Variants in DCAF12 observed in about 807,000 individuals in gnomAD.
DCAF12 encodes DDB1 and CUL4 associated factor 12.
DCAF12 carries 28 observed loss-of-function variants against 52.8 expected under a neutral mutation model. The ratio of observed to expected loss-of-function variants is 0.53; its 90% CI spans 0.39 to 0.73. The LOEUF is 0.73. DCAF12 is among the 30% of genes least tolerant of loss of function. The pLI, the probability that DCAF12 is intolerant of heterozygous loss-of-function variation, is 0.00. For synonymous variants in DCAF12, 196 were observed against 215.5 expected, an observed-to-expected ratio of 0.91 and a Z score of 0.79; for missense variants, 425 against 552.2, an observed-to-expected ratio of 0.77 and a Z score of 2.31.
At chr9:34,120,541 C>T (rs762583566) in intron 2 of DCAF12, among the ~76,000 whole-genome samples, 5 of 151,112 alleles carry the variant, frequency 3.3e-5, no homozygotes, top group Non-Finnish European at 7.4e-5. Context: ...CATGGTAGCA[C>T]GCGCCTGTAG....
Position 34,096,709 on chromosome 9 carries a change from A to G in DCAF12, c.861+7T>C. The G allele has an allele frequency of 6.2e-7, 1 of 1,613,338 alleles. No individual in the cohort carries two copies. Among genetic ancestry groups the G allele is most frequent in the Non-Finnish European group, 8.5e-7 (1 of 1,179,464 alleles). On this transcript the variant is annotated splice_region_variant and intron_variant, in intron 6 of 8. Coordinates refer to ENST00000361264, the MANE Select transcript of DCAF12 (RefSeq NM_015397.4). ...TAGGTAAAACCACAAAATCATGTTC[A>G]TCACACCTTAGATAGTGTATTTTCA...
At position 34,088,353 on chromosome 9, in the gene DCAF12, A is replaced by C. The variant is rs762283707; in HGVS notation, c.1359T>G (p.Ser453Arg). 5.2e-6 allele frequency: 8 copies of C among 1,553,264 alleles called. No homozygotes were observed. In the South Asian group the frequency reaches 9.8e-5, roughly 19 times the overall value. The change falls in exon 9 of 9, where the codon AGT (serine) becomes AGG (arginine). Residue 453 changes from serine to arginine, a missense_variant. Around this residue, in one of 3 missense-constraint regions of DCAF12, gnomAD observed 8 missense variants for 22.9 expected, o/e 0.35. Coordinates refer to ENST00000361264, the MANE Select transcript of DCAF12 (RefSeq NM_015397.4). ...CTCTGCATTTGGGGAGTTGTCATTA[A>C]CTCCAGAGCCCAGCATAGTTTCCAT... ...GLHGNYAGLWS is the reference protein window; with the variant it reads ...GLHGNYAGLWR
chr9:34,122,219 T>C (rs1360824656), intron 2 of DCAF12, among the ~76,000 whole-genome samples: 1 of 152,098 alleles, frequency 6.6e-6, no homozygotes, highest in African/African-American at 2.4e-5. Context: ...AAAGTACACA[T>C]ATAATCAAAA....
In DCAF12 at chr9:34,126,534, T is replaced by C. The variant is rs1038431036; in HGVS notation, c.-103A>G. On this transcript the variant is annotated 5_prime_UTR_variant, in exon 1 of 9. Coordinates refer to ENST00000361264, the MANE Select transcript of DCAF12 (RefSeq NM_015397.4). The stretch of plus-strand genomic sequence containing the variant: ...TGGGCCCCGGGGCCGCGCACCTTAG[T>C]GCGCCCGGCCCGGAAAATGGCCCGG... 7.6e-6 allele frequency: 10 copies of C among 1,309,492 alleles called. No homozygotes were observed. The African/African-American group carries it at 1.4e-4, about 18-fold the overall frequency. 81.1% of individuals were successfully genotyped at this position (1,309,492 alleles called of 1,614,324 possible).
intron 2 of DCAF12, among the ~76,000 whole-genome samples, chr9:34,122,938 A>G (rs1240987042): frequency 6.6e-6 from 1 of 152,218 alleles, no homozygotes; most frequent in African/African-American, 2.4e-5. Context: ...TCCGCAGCCA[A>G]TCTGAATTTG....
At chr9:34,100,851 C>G (rs1828817825) in intron 4 of DCAF12, among the ~76,000 whole-genome samples, 3 of 151,546 alleles carry the variant, frequency 2.0e-5, no homozygotes, top group African/African-American at 7.3e-5. Flanking sequence ...GTTGCCAAGG[C>G]TAGTCTTGAA....
intron 2 of DCAF12, among the ~76,000 whole-genome samples, chr9:34,123,051 T>C (rs1829199067): frequency 6.6e-6 from 1 of 152,212 alleles, no homozygotes; most frequent in Admixed American, 6.5e-5. Flanking sequence ...AGTAAAAATA[T>C]GACTTTATTG....
At chr9:34,124,083 C>T (rs745535561) in intron 2 of DCAF12, among the ~76,000 whole-genome samples, 7 of 152,066 alleles carry the variant, frequency 4.6e-5, no homozygotes, top group Non-Finnish European at 1.0e-4. Flanking sequence ...AAATTTTTGC[C>T]TATGTCCTTT....
chr9:34,088,658 A>C, intron 8 of DCAF12, 150 bp from the exon 9 acceptor site: 2 of 837,456 alleles, frequency 2.4e-6, no homozygotes, highest in Non-Finnish European at 3.8e-6. Flanking sequence ...GTTGGTTCTC[A>C]TGGGAATCAG....
intron 2 of DCAF12, among the ~76,000 whole-genome samples, chr9:34,108,882 T>G (rs146066747): frequency 2.0e-3 from 296 of 149,238 alleles, no homozygotes; most frequent in African/African-American, 5.9e-3. Flanking sequence ...ACTTAGCTAC[T>G]CAGGAGGCTG....
At chr9:34,124,215 G>A (rs557913012) in intron 2 of DCAF12, among the ~76,000 whole-genome samples, 41 of 152,142 alleles carry the variant, frequency 2.7e-4, no homozygotes, top group African/African-American at 9.9e-4. Flanking sequence ...GACATTACTT[G>A]TCCATTCACA....
intron 2 of DCAF12, among the ~76,000 whole-genome samples, chr9:34,112,685 G>A (rs139628228): frequency 0.21 from 31,659 of 151,886 alleles, 3,479 homozygotes; most frequent in Middle Eastern, 0.28. Flanking sequence ...GATCATCTGA[G>A]GTTGGGAGTT....
At chr9:34,105,863 C>T (rs1243157259) in intron 4 of DCAF12, among the ~76,000 whole-genome samples, 1 of 151,506 alleles carries the variant, frequency 6.6e-6, no homozygotes. Context: ...ATTCTCCTGC[C>T]TCAGTCTCCT....
Position 34,088,500 on chromosome 9 carries a change from A to C in DCAF12, c.1212T>G (p.Asp404Glu). Residue 404 changes from aspartate to glutamate, a missense_variant, in exon 9 of 9, where the codon GAT becomes GAG. Asp to Glu is a conservative substitution (Grantham distance 45). Around this residue, in one of 3 missense-constraint regions of DCAF12, gnomAD observed 328 missense variants for 444.4 expected, o/e 0.74. Transcript: ENST00000361264. ...LTTGKGWLNH[D>E]ETWRNYFSDI... ...CTGAAAAGTAATTCCTCCAGGTTTC[A>C]TCATGATTCTACGGGAAGAGAAAGA... The C allele has an allele frequency of 1.2e-6, 2 of 1,614,188 alleles. No individual in the cohort carries two copies. The highest frequency in any genetic ancestry group is 1.7e-6 in the Non-Finnish European group (2 of 1,180,014).
Position 34,101,889 on chromosome 9 carries a change from G to A in DCAF12, c.602-3372C>T, listed in dbSNP as rs370117762. On this transcript the variant is annotated intron_variant, in intron 4 of 8. Transcript: ENST00000361264. ...AAATTAGCCAGGCGTGGTGGGGCACGCCTGTGGTCCCAGCTACTCAGGAGG... is the reference window on the plus strand; with the variant it reads ...AAATTAGCCAGGCGTGGTGGGGCACACCTGTGGTCCCAGCTACTCAGGAGG... Among the ~76,000 whole-genome samples the A allele has an allele frequency of 4.6e-5, 7 of 150,772 alleles. 1 individual carries two copies. In the South Asian group the frequency reaches 1.5e-3, roughly 32 times the overall value.
At chr9:34,108,793 C>CAAAAAAAA (rs1234542589) in intron 2 of DCAF12, among the ~76,000 whole-genome samples, 2 of 81,282 alleles carry the variant, frequency 2.5e-5, no homozygotes, top group East Asian at 2.6e-4. Context: ...GACTTGGTCT[C>CAAAAAAAA]AAAAAAAATA....
intron 5 of DCAF12, 105 bp downstream of exon 5, chr9:34,098,219 G>T: frequency 7.9e-7 from 1 of 1,262,774 alleles, no homozygotes; most frequent in Non-Finnish European, 1.1e-6. Flanking sequence ...TGTGGGCTCA[G>T]AACCATGCTA....
Position 34,126,521 on chromosome 9 carries a change from C to T in DCAF12, c.-90G>A. ...GCGGGTCATATACTGGGCCCCGGGG[C>T]CGCGCACCTTAGTGCGCCCGGCCCG... On this transcript the variant is annotated 5_prime_UTR_variant, in exon 1 of 9. Coordinates refer to ENST00000361264, the MANE Select transcript of DCAF12 (RefSeq NM_015397.4). 1.4e-6 allele frequency: 2 copies of T among 1,438,658 alleles called. No homozygotes were observed. Among genetic ancestry groups the T allele is most frequent in the Non-Finnish European group, 1.9e-6 (2 of 1,081,064 alleles). 89.1% of individuals were successfully genotyped at this position (1,438,658 alleles called of 1,614,324 possible). A position where few individuals can be genotyped will look rare whatever the true frequency, so the allele number is the denominator to read the frequency against.
chr9:34,126,147 G>A (rs892425097), intron 1 of DCAF12, among the ~76,000 whole-genome samples: 1 of 152,118 alleles, frequency 6.6e-6, no homozygotes, highest in Non-Finnish European at 1.5e-5. Context: ...TCCCATTCCT[G>A]AGTTCCCCTT....
Sources: gnomAD v4.1 joint callset for allele counts (sites outside exome capture counted in the v4.1 genomes callset) on GRCh38, gnomAD v4.1.1 for gene constraint, gnomAD v4.1.1 regional missense constraint, MANE v1.5 for transcripts, NCBI Gene and HGNC (gene_info 2026-07-23, HGNC 2026-07-21) for gene names.